The following PGM5 variants were observed in gnomAD, a reference collection of about 807,000 sequenced individuals.
The protein encoded by PGM5 is phosphoglucomutase-like protein 5.
PGM5 carries 23 observed loss-of-function variants against 59.2 expected under a neutral mutation model. The observed-to-expected ratio is 0.39, with a 90% CI of 0.28 to 0.55. PGM5 has a LOEUF of 0.55. Ranked by LOEUF, PGM5 falls within the 20% of genes least tolerant of loss-of-function variation. PGM5 has a pLI of 0.66. For missense variants in PGM5, 574 were observed against 748.3 expected (o/e 0.77, Z 2.72); for synonymous variants, 214 against 286.0 (o/e 0.75, Z 2.54).
chr9:68,475,950 G>A (rs187535849), intron 7 of PGM5, among the ~76,000 whole-genome samples: 48 of 152,298 alleles, frequency 3.2e-4, no homozygotes, highest in African/African-American at 9.9e-4. Context: ...GAGCCTGGGA[G>A]GTCGCGGCTG....
chr9:68,423,660 TCTCTC>T (rs1823185469), intron 6 of PGM5, among the ~76,000 whole-genome samples: 1 of 43,020 alleles, frequency 2.3e-5, no homozygotes, highest in Non-Finnish European at 6.4e-5. Flanking sequence ...TCTCTGTCTC[TCTCTC>T]TCTCTCTCTC....
At chr9:68,479,638 A>T in intron 8 of PGM5, 85 bp downstream of exon 8, 1 of 1,428,382 alleles carries the variant, frequency 7.0e-7, no homozygotes, top group Non-Finnish European at 9.5e-7. Flanking sequence ...CTAGAACCTT[A>T]AAAAGGAGGC....
chr9:68,466,453 C>T (rs1823936748), intron 7 of PGM5: 1 of 185,138 alleles, frequency 5.4e-6, no homozygotes, highest in Non-Finnish European at 1.1e-5. Flanking sequence ...GACTTTGGTT[C>T]AGCTGATTGC....
At position 68,387,578 on chromosome 9, in the gene PGM5, A is replaced by G. The variant is rs139205053; in HGVS notation, c.687A>G (p.Ala229=). ...GPSQLKIRID[A]MHGVMGPYVR... ...GCCAACTGAAGATTCGCATTGACGC[A>G]ATGCACGGAGGTAAGCTTGTGATTT... The change falls in exon 4 of 11, where the codon GCA becomes GCG. Residue 229 remains alanine (A), a synonymous_variant. Coordinates refer to ENST00000396396, the MANE Select transcript of PGM5 (RefSeq NM_021965.4). The G allele has an allele frequency of 9.3e-5, 150 of 1,611,946 alleles. 1 individual carries two copies. In the African/African-American group the frequency reaches 1.6e-3, roughly 17 times the overall value.
chr9:68,429,996 G>A (rs1408951817), intron 6 of PGM5, among the ~76,000 whole-genome samples: 3 of 152,134 alleles, frequency 2.0e-5, no homozygotes, highest in Non-Finnish European at 4.4e-5. Flanking sequence ...GGGTATCTGA[G>A]GTTGGTTTTG....
chr9:68,489,244 G>A (rs1041448798), intron 9 of PGM5, among the ~76,000 whole-genome samples: 3 of 152,190 alleles, frequency 2.0e-5, no homozygotes, highest in African/African-American at 7.2e-5. Context: ...GGTATTGTGA[G>A]TGAAGGACAG....
chr9:68,397,439 G>A (rs1822539915), intron 6 of PGM5: 3 of 152,142 alleles, frequency 2.0e-5, no homozygotes, highest in Admixed American at 6.6e-5. Context: ...ATCCCAAGAA[G>A]CCAGATCTAA....
chr9:68,427,853 T>A (rs1554682779), intron 6 of PGM5, among the ~76,000 whole-genome samples: 1 of 152,092 alleles, frequency 6.6e-6, no homozygotes, highest in East Asian at 1.9e-4. Context: ...TGGGCAGAGA[T>A]TGTCAAAGAG....
chr9:68,473,691 T>G (rs1554686429), intron 7 of PGM5, among the ~76,000 whole-genome samples: 1 of 152,204 alleles, frequency 6.6e-6, no homozygotes, highest in Admixed American at 6.5e-5. Context: ...GTGGCCTCTC[T>G]TATTGTATGA....
chr9:68,494,916 G>A (rs564107158), intron 9 of PGM5, among the ~76,000 whole-genome samples: 10 of 152,310 alleles, frequency 6.6e-5, no homozygotes, highest in South Asian at 4.1e-4. Context: ...TGCTAAATGC[G>A]AAGGCAGGCT....
intron 9 of PGM5, among the ~76,000 whole-genome samples, chr9:68,487,240 C>T (rs943683424): frequency 2.0e-5 from 3 of 152,052 alleles, no homozygotes; most frequent in African/African-American, 7.2e-5. Flanking sequence ...TTCTTTGAAC[C>T]TCATCTTGAG....
intron 6 of PGM5, among the ~76,000 whole-genome samples, chr9:68,440,026 C>A (rs183081190): frequency 6.6e-6 from 1 of 152,052 alleles, no homozygotes; most frequent in Non-Finnish European, 1.5e-5. Flanking sequence ...AAAGATCCAA[C>A]GGTCCTAAAT....
chr9:68,482,127 C>T (rs1487059738), intron 8 of PGM5, among the ~76,000 whole-genome samples: 1 of 152,064 alleles, frequency 6.6e-6, no homozygotes, highest in Non-Finnish European at 1.5e-5. Context: ...AGTGCTAGAT[C>T]CTGCTTGTAT....
chr9:68,472,982 A>T (rs74943501), intron 7 of PGM5, among the ~76,000 whole-genome samples: 12 of 152,058 alleles, frequency 7.9e-5, no homozygotes, highest in Non-Finnish European at 1.6e-4. Context: ...ATTTAAGAAT[A>T]TTTTTTTAAG....
chr9:68,529,211 GGTGAGGA>G, intron 10 of PGM5, among the ~76,000 whole-genome samples: 1 of 145,308 alleles, frequency 6.9e-6, no homozygotes, highest in Admixed American at 6.9e-5. Flanking sequence ...GTGTGTGTGT[GGTGAGGA>G]TGAGGGTGTA....
intron 6 of PGM5, among the ~76,000 whole-genome samples, chr9:68,438,861 C>T (rs1176186139): frequency 2.0e-5 from 3 of 152,136 alleles, no homozygotes; most frequent in East Asian, 3.8e-4. Flanking sequence ...AGAGATTCCT[C>T]ATTTTTCATT....
intron 6 of PGM5, chr9:68,398,796 A>T (rs55683932): frequency 2.0e-5 from 3 of 152,120 alleles, no homozygotes; most frequent in South Asian, 2.1e-4. Context: ...GCTTATTTCT[A>T]CTTGCTTATC....
intron 6 of PGM5, among the ~76,000 whole-genome samples, chr9:68,453,309 C>T (rs1218341043): frequency 1.3e-5 from 2 of 152,162 alleles, no homozygotes; most frequent in Non-Finnish European, 2.9e-5. Flanking sequence ...GGAAATTCAT[C>T]CACCATCGCT....
At chr9:68,401,703 T>G (rs1554680646) in intron 6 of PGM5, among the ~76,000 whole-genome samples, 1 of 152,028 alleles carries the variant, frequency 6.6e-6, no homozygotes, top group Non-Finnish European at 1.5e-5. Context: ...TAATCTCAAT[T>G]TTGGTCTTCC....
Sources: allele counts gnomAD v4.1 joint callset (sites outside exome capture counted in the v4.1 genomes callset), GRCh38; gene constraint gnomAD v4.1.1; transcripts MANE v1.5; gene names NCBI Gene and HGNC (gene_info 2026-07-23, HGNC 2026-07-21).